Variants in TPR observed in about 807,000 individuals in gnomAD.
The protein encoded by TPR is nucleoprotein TPR.
A neutral mutation model predicts 316.1 loss-of-function variants in TPR; 51 were observed. The ratio of observed to expected loss-of-function variants is 0.16; its 90% CI spans 0.13 to 0.20. The LOEUF (loss-of-function observed/expected upper bound fraction) is 0.20, where lower values mean the gene tolerates loss of function less well. Ranked by LOEUF, TPR falls within the 10% of genes least tolerant of loss-of-function variation. The pLI, the probability that TPR is intolerant of heterozygous loss-of-function variation, is 1.00. For missense variants in TPR, 2,272 were observed against 2,754.8 expected (o/e 0.82, Z 3.92); for synonymous variants, 981 against 914.7 (o/e 1.07, Z -1.31).
In TPR at chr1:186,343,322, C is replaced by A. The variant is rs1477000739; in HGVS notation, c.3750+4G>T. On this transcript the variant is annotated splice_donor_region_variant and intron_variant, in intron 27 of 50. Coordinates refer to ENST00000367478, the MANE Select transcript of TPR (RefSeq NM_003292.3). ...AGTGCTTTCTTAAAGCTTAGTATAC[C>A]TACCTGGACTTTCTCCCTTTCAGCA... 1 of 1,609,792 alleles carries A rather than the reference C, an allele frequency of 6.2e-7. No homozygotes were observed.
intron 22 of TPR, among the ~76,000 whole-genome samples, chr1:186,347,017 G>C (rs143649348): frequency 1.3e-5 from 2 of 152,200 alleles, no homozygotes; most frequent in East Asian, 3.9e-4. Flanking sequence ...TCTTGTGAAG[G>C]CATGCATACC....
chr1:186,311,688 C>T lies in TPR; in HGVS notation c.*2283G>A. The T allele has an allele frequency of 3.9e-6, 5 of 1,291,196 alleles. No homozygotes were observed. The highest frequency in any genetic ancestry group is 1.2e-5 in the South Asian group (1 of 80,424). 80.0% of individuals were successfully genotyped at this position (1,291,196 alleles called of 1,614,324 possible). A position where few individuals can be genotyped will look rare whatever the true frequency, so the allele number is the denominator to read the frequency against. The stretch of plus-strand genomic sequence containing the variant: ...TATTGACTTTACTGTCAAAAGATAT[C>T]TTTAATGGCTGAAATCAAATATTTT... On this transcript the variant is annotated 3_prime_UTR_variant, in exon 51 of 51. Coordinates refer to ENST00000367478, the MANE Select transcript of TPR (RefSeq NM_003292.3).
chr1:186,363,340 G>C lies in TPR; in HGVS notation c.531+2C>G. 1 of 1,605,778 alleles carries C rather than the reference G, an allele frequency of 6.2e-7. No individual in the cohort carries two copies. The highest frequency in any genetic ancestry group is 8.5e-7 in the Non-Finnish European group (1 of 1,173,190). On this transcript the variant is annotated splice_donor_variant, in intron 5 of 50. Coordinates refer to ENST00000367478, the MANE Select transcript of TPR (RefSeq NM_003292.3). LOFTEE classifies it high-confidence loss of function. ...ATGCATTAGGAATCATCTGGTACTT[G>C]CCTTAACAGAAACATCAGAAGCTTG... is the stretch of plus-strand genomic sequence containing the variant.
Position 186,320,421 on chromosome 1 carries a change from A to G in TPR, c.6462-3T>C, listed in dbSNP as rs751064045. ...GGACACCAGCAACCTGCGGCGAACTAAATGGACAAAAACTAATTTAAGATG... is the reference window on the plus strand; with the variant it reads ...GGACACCAGCAACCTGCGGCGAACTGAATGGACAAAAACTAATTTAAGATG... On this transcript the variant is annotated splice_region_variant and splice_polypyrimidine_tract_variant and intron_variant, in intron 45 of 50. Coordinates refer to ENST00000367478, the MANE Select transcript of TPR (RefSeq NM_003292.3). 73 of 1,602,036 alleles carry G rather than the reference A, an allele frequency of 4.6e-5. 2 individuals are homozygous for G. In the South Asian group the frequency reaches 7.9e-4, roughly 17 times the overall value.
chr1:186,373,365 T>G lies in TPR; in HGVS notation c.250A>C (p.Lys84Gln), dbSNP rs990074051. 6.2e-6 allele frequency: 10 copies of G among 1,611,710 alleles called. No homozygotes were observed. The highest frequency in any genetic ancestry group is 8.5e-6 in the Non-Finnish European group (10 of 1,178,530). The change falls in exon 2 of 51, where the codon AAA (lysine) becomes CAA (glutamine). Residue 84 changes from lysine (K) to glutamine (Q), a missense_variant. Transcript: ENST00000367478. ...AGATGAATTAAATACTTACTGAGTT[T>G]CTCTAGCTCAAGCCGCAAGCTTTGA... ...ECQSLRLELE[K>Q]LNNQLKALTE...
intron 1 of TPR, among the ~76,000 whole-genome samples, chr1:186,374,128 G>C (rs547495331): frequency 6.6e-6 from 1 of 152,216 alleles, no homozygotes; most frequent in South Asian, 2.1e-4. Context: ...AACTTAGCAA[G>C]AACAGTATGA....
intron 5 of TPR, 124 bp downstream of exon 5, chr1:186,363,218 T>C (rs1445481803): frequency 2.0e-6 from 2 of 1,018,532 alleles, no homozygotes; most frequent in Non-Finnish European, 2.9e-6. Context: ...TGCTTAATTT[T>C]CTGACATTAA....
At chr1:186,373,147 G>A (rs1272290862) in intron 2 of TPR, among the ~76,000 whole-genome samples, 2 of 152,132 alleles carry the variant, frequency 1.3e-5, no homozygotes, top group African/African-American at 4.8e-5. Context: ...AGCAAAATCA[G>A]AATAAGAATC....
chr1:186,351,218 G>C, intron 20 of TPR, 112 bp downstream of exon 20: 1 of 1,291,224 alleles, frequency 7.7e-7, no homozygotes, highest in South Asian at 2.0e-5. Flanking sequence ...GAAAAACTTA[G>C]TAACAAAGTT....
chr1:186,320,831 C>G (rs991602237), intron 45 of TPR, among the ~76,000 whole-genome samples: 1 of 152,148 alleles, frequency 6.6e-6, no homozygotes, highest in Non-Finnish European at 1.5e-5. Context: ...AGTCACCTGT[C>G]TAGCTTATTA....
chr1:186,327,174 T>TTATATATA (rs1553227854), intron 40 of TPR, among the ~76,000 whole-genome samples: 3 of 194 alleles, frequency 0.015, 1 homozygote, highest in Non-Finnish European at 0.026. Flanking sequence ...ACATATATAT[T>TTATATATA]ATATATATAA....
chr1:186,374,154 T>C (rs1464105232), intron 1 of TPR, among the ~76,000 whole-genome samples: 2 of 152,136 alleles, frequency 1.3e-5, no homozygotes, highest in Non-Finnish European at 2.9e-5. Flanking sequence ...CCCAAACAAA[T>C]GGTAAACCAA....
chr1:186,313,561 T>C lies in TPR; in HGVS notation c.*410A>G. 1.5e-6 allele frequency: 1 copy of C among 662,686 alleles called. No homozygotes were observed. The highest frequency in any genetic ancestry group is 2.7e-6 in the Non-Finnish European group (1 of 374,630). 41.1% of individuals were successfully genotyped at this position (662,686 alleles called of 1,614,324 possible). On this transcript the variant is annotated 3_prime_UTR_variant, in exon 51 of 51. Coordinates refer to ENST00000367478, the MANE Select transcript of TPR (RefSeq NM_003292.3). ...TTGTTATAAAGTTCAAATTAATTAGTAAAAACATCTCTATTAAAATGATAA... is the reference window on the plus strand; with the variant it reads ...TTGTTATAAAGTTCAAATTAATTAGCAAAAACATCTCTATTAAAATGATAA...
intron 46 of TPR, among the ~76,000 whole-genome samples, chr1:186,319,132 C>T (rs1657697584): frequency 6.6e-6 from 1 of 151,894 alleles, no homozygotes; most frequent in African/African-American, 2.4e-5. Context: ...CTAGGGCTAC[C>T]AACACAGACC....
Position 186,322,323 on chromosome 1 carries a change from T to A in TPR, c.6456A>T (p.Ala2152=), listed in dbSNP as rs761384952. The change falls in exon 45 of 51, where the codon GCA becomes GCT. Residue 2152 remains alanine, a synonymous_variant. Coordinates refer to ENST00000367478, the MANE Select transcript of TPR (RefSeq NM_003292.3). The part of the protein sequence containing the change: ...VPHRTDGFAE[A]IHSPQVAGVP... ...TTTCTCTTTCATTAACTTACTGAAT[T>A]GCTTCAGCAAATCCATCAGTACGAT... is the stretch of plus-strand genomic sequence containing the variant. 1 of 1,609,672 alleles carries A rather than the reference T, an allele frequency of 6.2e-7. No homozygotes were observed. The highest frequency in any genetic ancestry group is 1.3e-5 in the African/African-American group (1 of 74,726).
chr1:186,340,214 C>T (rs781626266), intron 29 of TPR, among the ~76,000 whole-genome samples: 13 of 151,964 alleles, frequency 8.6e-5, no homozygotes, highest in Admixed American at 2.0e-4. Context: ...TTTTATCACA[C>T]GAAAGGTGAT....
intron 3 of TPR, among the ~76,000 whole-genome samples, chr1:186,370,309 T>A (rs1281533105): frequency 6.6e-6 from 1 of 152,124 alleles, no homozygotes; most frequent in Non-Finnish European, 1.5e-5. Flanking sequence ...AACATTTCCA[T>A]CCAGAAATTT....
intron 37 of TPR, 146 bp downstream of exon 37, chr1:186,332,976 C>G: frequency 1.1e-6 from 1 of 895,876 alleles, no homozygotes; most frequent in Non-Finnish European, 1.6e-6. Context: ...ACTTGTGATA[C>G]GTATTATATC....
chr1:186,332,211 G>T lies in TPR; in HGVS notation c.5588C>A (p.Thr1863Lys). Residue 1863 changes from threonine (T) to lysine (K), a missense_variant, in exon 38 of 51, where the codon ACA becomes AAA. Around this residue, in one of 10 missense-constraint regions of TPR, gnomAD observed 435 missense variants for 461.1 expected, o/e 0.94. Transcript: ENST00000367478. The part of the protein sequence containing the change: ...MPLPKKLKSV[T>K]PVGTEEEVMA... ...TTTACGCACCTCAGTTCCTACAGGT[G>T]TGACACTTTTCAACTTCTTTGGAAG... 1 of 1,611,214 alleles carries T rather than the reference G, an allele frequency of 6.2e-7. No homozygotes were observed. Among genetic ancestry groups the T allele is most frequent in the Admixed American group, 1.7e-5 (1 of 59,840 alleles).
Sources: allele counts gnomAD v4.1 joint callset (sites outside exome capture counted in the v4.1 genomes callset), GRCh38; gene constraint gnomAD v4.1.1; regional missense constraint gnomAD v4.1.1; transcripts MANE v1.5; gene names NCBI Gene and HGNC (gene_info 2026-07-23, HGNC 2026-07-21).